KHDRBS3: variants seen among roughly 807,000 people sequenced by gnomAD.
KHDRBS3 encodes the protein KH RNA binding domain containing, signal transduction associated 3, also known as KH domain-containing, RNA-binding, signal transduction-associated protein 3.
KHDRBS3 carries 23 observed loss-of-function variants against 45.6 expected under a neutral mutation model. The ratio of observed to expected loss-of-function variants is 0.50; its 90% CI spans 0.36 to 0.72. KHDRBS3 has a LOEUF of 0.72. KHDRBS3 is among the 30% of genes least tolerant of loss of function. KHDRBS3 has a pLI of 0.00. For missense variants in KHDRBS3, 352 were observed against 424.8 expected, an observed-to-expected ratio of 0.83 and a Z score of 1.51; for synonymous variants, 162 against 156.5, an observed-to-expected ratio of 1.04 and a Z score of -0.26.
At chr8:135,543,399 T>C (rs1586693766) in intron 3 of KHDRBS3, among the ~76,000 whole-genome samples, 1 of 152,300 alleles carries the variant, frequency 6.6e-6, no homozygotes, top group Non-Finnish European at 1.5e-5. Context: ...TGTGTCACAT[T>C]GTTTTCTAAA....
intron 1 of KHDRBS3, among the ~76,000 whole-genome samples, chr8:135,464,382 A>G (rs956652398): frequency 6.6e-6 from 1 of 152,236 alleles, no homozygotes. Context: ...ATAGAAAAAT[A>G]TTCCATATAG....
chr8:135,538,507 T>G (rs1343716091), intron 2 of KHDRBS3: 1 of 152,192 alleles, frequency 6.6e-6, no homozygotes, highest in African/African-American at 2.4e-5. Context: ...TGGGGAGATT[T>G]TGTAATCATC....
intron 1 of KHDRBS3, among the ~76,000 whole-genome samples, chr8:135,467,985 T>C (rs1821785259): frequency 6.6e-6 from 1 of 152,262 alleles, no homozygotes; most frequent in African/African-American, 2.4e-5. Flanking sequence ...GTTGATATTC[T>C]ACTGAAAAGG....
chr8:135,520,978 G>A (rs1332464160), intron 1 of KHDRBS3, among the ~76,000 whole-genome samples: 1 of 152,040 alleles, frequency 6.6e-6, no homozygotes, highest in Non-Finnish European at 1.5e-5. Flanking sequence ...ACTTATTTTT[G>A]TGTTGTTTAT....
At chr8:135,538,720 A>G (rs1470554100) in intron 2 of KHDRBS3, 2 of 152,204 alleles carry the variant, frequency 1.3e-5, no homozygotes, top group African/African-American at 4.8e-5. Flanking sequence ...GCACTGTATG[A>G]TGACACCCCT....
At chr8:135,646,151 A>G (rs562450554) in intron 8 of KHDRBS3, among the ~76,000 whole-genome samples, 1 of 152,080 alleles carries the variant, frequency 6.6e-6, no homozygotes, top group South Asian at 2.1e-4. Context: ...GGTCATTTTA[A>G]GCATTTTTCC....
chr8:135,563,432 G>A lies in KHDRBS3; in HGVS notation c.611+5845G>A, dbSNP rs535038854. ...GGTCAGAGAAGCCCTTGCCGAGCAC[G>A]CAGTGTGAAGGGTCCTTCCTCTCAG... is the stretch of plus-strand genomic sequence containing the variant. On this transcript the variant is annotated intron_variant, in intron 5 of 8. Coordinates refer to ENST00000355849, the MANE Select transcript of KHDRBS3 (RefSeq NM_006558.3). Among the ~76,000 whole-genome samples, 8 of 152,296 alleles carry A rather than the reference G, an allele frequency of 5.3e-5. No individual in the cohort carries two copies. In the East Asian group the frequency reaches 1.2e-3, roughly 22 times the overall value.
chr8:135,604,538 G>T (rs1829368558), intron 6 of KHDRBS3, among the ~76,000 whole-genome samples: 1 of 149,230 alleles, frequency 6.7e-6, no homozygotes, highest in South Asian at 2.1e-4. Flanking sequence ...TCACTGCACT[G>T]CTTTATTTGT....
At chr8:135,556,262 T>G (rs1419507387) in intron 4 of KHDRBS3, among the ~76,000 whole-genome samples, 3 of 152,222 alleles carry the variant, frequency 2.0e-5, no homozygotes, top group Non-Finnish European at 2.9e-5. Flanking sequence ...GTAATGGGAT[T>G]GCTGGGTCAA....
chr8:135,589,933 A>G (rs1215308926), intron 6 of KHDRBS3, among the ~76,000 whole-genome samples: 1 of 152,260 alleles, frequency 6.6e-6, no homozygotes, highest in Non-Finnish European at 1.5e-5. Flanking sequence ...AACATGGTCC[A>G]CTTAGTGAAC....
rs1207184258 is a variant in KHDRBS3 at position 135,581,963 on chromosome 8, G to C, written c.697G>C (p.Gly233Arg). 6.2e-7 allele frequency: 1 copy of C among 1,613,546 alleles called. No individual in the cohort carries two copies. The highest frequency in any genetic ancestry group is 1.3e-5 in the African/African-American group (1 of 75,018). The change falls in exon 6 of 9, where the codon GGG (glycine) becomes CGG (arginine). Residue 233 changes from glycine to arginine, a missense_variant. Gly to Arg is a moderately radical substitution (Grantham distance 125, BLOSUM62 -2). Transcript: ENST00000355849. Reference protein sequence around the residue: ...PTPRGVLSTRGPVSRGRGLLT... With the variant: ...PTPRGVLSTRRPVSRGRGLLT... ...TCCCAGAGGAGTCCTGTCCACCCGA[G>C]GGCCAGTGAGTCGGGGAAGAGGACT...
chr8:135,645,866 G>C (rs924665568), intron 8 of KHDRBS3, among the ~76,000 whole-genome samples: 1 of 152,178 alleles, frequency 6.6e-6, no homozygotes, highest in Non-Finnish European at 1.5e-5. Flanking sequence ...AAGTATATCA[G>C]GATTGTGGTT....
intron 1 of KHDRBS3, among the ~76,000 whole-genome samples, chr8:135,467,304 A>G (rs1821747406): frequency 1.3e-5 from 2 of 152,204 alleles, no homozygotes; most frequent in Non-Finnish European, 2.9e-5. Context: ...CTTGACATGT[A>G]TTTATTAAAA....
intron 1 of KHDRBS3, among the ~76,000 whole-genome samples, chr8:135,459,418 C>A (rs1278162010): frequency 6.6e-6 from 1 of 152,144 alleles, no homozygotes; most frequent in Non-Finnish European, 1.5e-5. Context: ...AGTGAATGGG[C>A]ATGCATTCCT....
chr8:135,642,289 C>T (rs974888385), intron 7 of KHDRBS3, among the ~76,000 whole-genome samples: 1 of 152,202 alleles, frequency 6.6e-6, no homozygotes, highest in African/African-American at 2.4e-5. Context: ...AGTGTAGGTG[C>T]TGCCACTTAT....
chr8:135,623,617 T>TAA, intron 7 of KHDRBS3, among the ~76,000 whole-genome samples: 1 of 152,046 alleles, frequency 6.6e-6, no homozygotes, highest in Non-Finnish European at 1.5e-5. Context: ...GAGAAACTGT[T>TAA]TAAAGTAGAA....
chr8:135,621,704 CAA>C (rs60054576), intron 7 of KHDRBS3, among the ~76,000 whole-genome samples: 115 of 133,268 alleles, frequency 8.6e-4, no homozygotes, highest in African/African-American at 9.1e-4. Flanking sequence ...CAGAAGAGCA[CAA>C]AAAAAAAAAA....
chr8:135,592,824 G>A (rs1828810081), intron 6 of KHDRBS3, among the ~76,000 whole-genome samples: 1 of 152,028 alleles, frequency 6.6e-6, no homozygotes, highest in Non-Finnish European at 1.5e-5. Flanking sequence ...TAGTCTCTAG[G>A]GAGAGCAAAT....
chr8:135,626,099 C>T (rs1199968819), intron 7 of KHDRBS3: 1 of 508,464 alleles, frequency 2.0e-6, no homozygotes, highest in Non-Finnish European at 3.5e-6. Flanking sequence ...AAAATAAGGA[C>T]TCATTTAAAA....
Sources: allele counts gnomAD v4.1 joint callset (sites outside exome capture counted in the v4.1 genomes callset), GRCh38; gene constraint gnomAD v4.1.1; transcripts MANE v1.5; gene names NCBI Gene and HGNC (gene_info 2026-07-23, HGNC 2026-07-21).